Variants in ODR4 observed in about 807,000 individuals in gnomAD.
ODR4 encodes the protein odr-4 GPCR localization factor homolog, also known as protein odr-4 homolog.
In ODR4, 47 loss-of-function variants were observed where a neutral mutation model predicts 60.2. That is an observed-to-expected ratio of 0.78 (90% CI 0.62 to 1.00). ODR4 has a LOEUF of 1.00. Ranked by LOEUF, ODR4 falls within the 50% of genes least tolerant of loss-of-function variation. The pLI, the probability that ODR4 is intolerant of heterozygous loss-of-function variation, is 0.00. For missense variants in ODR4, 488 were observed against 530.8 expected (o/e 0.92, Z 0.79); for synonymous variants, 178 against 175.5 (o/e 1.01, Z -0.11).
In ODR4 at chr1:186,391,852, CTT is replaced by C. The variant is rs1179868065; in HGVS notation, c.711+62_711+63del. On this transcript the variant is annotated intron_variant, in intron 8 of 13. Coordinates refer to ENST00000287859, the MANE Select transcript of ODR4 (RefSeq NM_017847.6). Reference sequence around the variant, plus strand: ...GTGCTTAAGGAAAAATAAAACATGACTTATTTTTAGTCCTTGCCTACAAGAAA... The same window carrying C: ...GTGCTTAAGGAAAAATAAAACATGACATTTTTAGTCCTTGCCTACAAGAAA... 2.9e-6 allele frequency: 3 copies of C among 1,031,892 alleles called. No individual in the cohort carries two copies. The African/African-American group carries it at 4.8e-5, about 17-fold the overall frequency. 63.9% of individuals were successfully genotyped at this position (1,031,892 alleles called of 1,614,324 possible). A position where few individuals can be genotyped will look rare whatever the true frequency, so the allele number is the denominator to read the frequency against.
rs374176467 is a variant in ODR4 at position 186,421,286 on chromosome 1, CTG to C, written c.*2212_*2213del. Reference sequence around the variant, plus strand: ...AATGATAAACATAAGTAAATTTAAACTGTTGTTTGTATAAAACAATTATAATG... The same window carrying C: ...AATGATAAACATAAGTAAATTTAAACTTGTTTGTATAAAACAATTATAATG... On this transcript the variant is annotated 3_prime_UTR_variant, in exon 14 of 14. Transcript: ENST00000287859. The C allele has an allele frequency of 1.3e-5, 2 of 152,084 alleles. No individual in the cohort carries two copies. Among genetic ancestry groups the C allele is most frequent in the Non-Finnish European group, 2.9e-5 (2 of 68,006 alleles). The allele number at this position is 152,084 out of a possible 1,614,324, so 9.4% of individuals were successfully genotyped here. A position where few individuals can be genotyped will look rare whatever the true frequency, so the allele number is the denominator to read the frequency against.
chr1:186,379,472 G>T (rs936976962), intron 1 of ODR4, among the ~76,000 whole-genome samples: 11 of 138,756 alleles, frequency 7.9e-5, no homozygotes, highest in Admixed American at 3.8e-4. Flanking sequence ...AAGAAATCTG[G>T]TGTGTTGCTT....
At chr1:186,433,049 G>A in the ODR4 span, among the ~76,000 whole-genome samples, 1 of 152,108 alleles carries the variant, frequency 6.6e-6, no homozygotes, top group Admixed American at 6.6e-5. Flanking sequence ...CTCCCAAAGT[G>A]CTGGGATTAC....
chr1:186,387,020 G>A (rs1306312647), intron 4 of ODR4, among the ~76,000 whole-genome samples: 1 of 152,094 alleles, frequency 6.6e-6, no homozygotes, highest in Non-Finnish European at 1.5e-5. Flanking sequence ...TGAACTTTTT[G>A]AAGGGTATTT....
At chr1:186,423,523 C>G (rs1038814576), downstream of ODR4, among the ~76,000 whole-genome samples, 48 of 132,342 alleles carry the variant, frequency 3.6e-4, 2 homozygotes, top group Admixed American at 9.1e-4. Flanking sequence ...TGCGTGATCT[C>G]GGCTCACTGC....
chr1:186,399,252 T>G (rs2102056316), intron 11 of ODR4: 1 of 553,096 alleles, frequency 1.8e-6, no homozygotes, highest in Non-Finnish European at 3.4e-6. Context: ...TTGCCCAGGC[T>G]GGGGTGCAGT....
intron 1 of ODR4, among the ~76,000 whole-genome samples, chr1:186,379,491 A>T (rs1659939103): frequency 6.7e-6 from 1 of 150,312 alleles, no homozygotes. Context: ...TTACTAGTTT[A>T]GTATCCTCTC....
At chr1:186,423,556 G>A (rs1661834730), downstream of ODR4, among the ~76,000 whole-genome samples, 2 of 140,394 alleles carry the variant, frequency 1.4e-5, no homozygotes, top group African/African-American at 2.6e-5. Context: ...CCAGGTTCAA[G>A]CAATTCTCTT....
intron 12 of ODR4, among the ~76,000 whole-genome samples, chr1:186,410,713 TC>T (rs1202903994): frequency 6.6e-6 from 1 of 152,200 alleles, no homozygotes; most frequent in African/African-American, 2.4e-5. Flanking sequence ...GTTTTGGCAT[TC>T]CTGTATTAAA....
intron 8 of ODR4, 27 bp downstream of exon 8, chr1:186,391,818 A>G (rs1660479934): frequency 7.3e-7 from 1 of 1,363,300 alleles, no homozygotes; most frequent in African/African-American, 1.4e-5. Flanking sequence ...TCATCTTATT[A>G]AATTGTTAGT....
chr1:186,422,554 A>G (rs553494092), downstream of ODR4, among the ~76,000 whole-genome samples: 1 of 152,290 alleles, frequency 6.6e-6, no homozygotes, highest in East Asian at 1.9e-4. Context: ...AAGTCACAAA[A>G]CATCAAATAA....
intron 2 of ODR4, 95 bp downstream of exon 2, chr1:186,379,979 A>G (rs1659963692): frequency 1.4e-6 from 1 of 697,220 alleles, no homozygotes; most frequent in Non-Finnish European, 2.2e-6. Context: ...GATGCTATTT[A>G]ATAATAAACT....
chr1:186,429,496 CA>C, the ODR4 span, among the ~76,000 whole-genome samples: 2 of 152,010 alleles, frequency 1.3e-5, no homozygotes, highest in African/African-American at 4.8e-5. Flanking sequence ...AAAGAACAGA[CA>C]AAAGAGTTCC....
intron 2 of ODR4, among the ~76,000 whole-genome samples, chr1:186,381,888 A>G (rs1246880053): frequency 6.6e-6 from 1 of 152,174 alleles, no homozygotes; most frequent in Admixed American, 6.5e-5. Context: ...CTTCCTGAAA[A>G]TAACCTGTAG....
chr1:186,380,710 C>A (rs773997669), intron 2 of ODR4, among the ~76,000 whole-genome samples: 1 of 151,990 alleles, frequency 6.6e-6, no homozygotes, highest in Non-Finnish European at 1.5e-5. Context: ...AATTTTCTTT[C>A]TAGATATCTT....
At chr1:186,388,832 C>G (rs757877859) in intron 5 of ODR4, among the ~76,000 whole-genome samples, 3 of 152,132 alleles carry the variant, frequency 2.0e-5, no homozygotes, top group African/African-American at 7.2e-5. Flanking sequence ...ACAGCAGATT[C>G]CCTACAGAGA....
At chr1:186,433,025 C>A in the ODR4 span, among the ~76,000 whole-genome samples, 2 of 152,174 alleles carry the variant, frequency 1.3e-5, no homozygotes, top group East Asian at 3.9e-4. Flanking sequence ...ACCTCAAGAT[C>A]CATCCGCCTC....
rs548876407 is a variant in ODR4 at position 186,410,715 on chromosome 1, C to T, written c.1186+4447C>T. On this transcript the variant is annotated intron_variant, in intron 12 of 13. Transcript: ENST00000287859. ...ATACAGTAACGAAGTTTTGGCATTC[C>T]TGTATTAAAATTTTAGTGGGCTGGG... is the stretch of plus-strand genomic sequence containing the variant. Among the ~76,000 whole-genome samples the T allele has an allele frequency of 4.6e-5, 7 of 152,204 alleles. No homozygotes were observed. In the East Asian group the frequency reaches 1.4e-3, roughly 29 times the overall value.
Position 186,383,128 on chromosome 1 carries a change from A to G in ODR4, c.206A>G (p.Glu69Gly). 7 of 1,555,056 alleles carry G rather than the reference A, an allele frequency of 4.5e-6. No individual in the cohort carries two copies. The highest frequency in any genetic ancestry group is 6.1e-6 in the Non-Finnish European group (7 of 1,148,616). ...HPKAKLDNLD[E>G]EWATEHACQV... ...AAAGCTAAGTTGGATAACTTGGATG[A>G]AGAATGGGCCACAGAACATGCCTGC... Residue 69 changes from glutamate to glycine, a missense_variant, in exon 3 of 14, where the codon GAA becomes GGA. By Grantham distance (98) the Glu-to-Gly change is moderately conservative. Coordinates refer to ENST00000287859, the MANE Select transcript of ODR4 (RefSeq NM_017847.6).
Sources: gnomAD v4.1 joint callset for allele counts (sites outside exome capture counted in the v4.1 genomes callset) on GRCh38, gnomAD v4.1.1 for gene constraint, MANE v1.5 for transcripts, NCBI Gene and HGNC (gene_info 2026-07-23, HGNC 2026-07-21) for gene names.